Variants in CAMK4 observed in about 807,000 individuals in gnomAD.
CAMK4 encodes the protein calcium/calmodulin dependent protein kinase IV.
In CAMK4, 22 loss-of-function variants were observed where a neutral mutation model predicts 44.9. The observed-to-expected ratio is 0.49, with a 90% confidence interval of 0.35 to 0.70. The LOEUF (loss-of-function observed/expected upper bound fraction) is 0.70, where lower values mean the gene tolerates loss of function less well. Among genes scored for constraint, CAMK4 ranks in the 30% least tolerant of loss-of-function variants. The pLI, the probability that CAMK4 is intolerant of heterozygous loss-of-function variation, is 0.01. For synonymous variants in CAMK4, 218 were observed against 215.4 expected, an observed-to-expected ratio of 1.01 and a Z score of -0.11; for missense variants, 498 against 586.8, an observed-to-expected ratio of 0.85 and a Z score of 1.56.
In CAMK4 at chr5:111,399,888, T is replaced by C. The variant is rs192469828; in HGVS notation, c.459+5106T>C. 2.6e-4 allele frequency among the ~76,000 whole-genome samples: 40 copies of C among 152,310 alleles called. 1 individual carries two copies. The highest frequency in any genetic ancestry group is 9.2e-4 in the Admixed American group (14 of 15,294). On this transcript the variant is annotated intron_variant, in intron 5 of 10. Transcript: ENST00000282356. ...TATGCCTCAATATAGTAATACCTCA[T>C]GTAGCTGACTGGGAAACTCTCTTAT...
At chr5:111,417,029 G>A (rs1305756872) in intron 5 of CAMK4, among the ~76,000 whole-genome samples, 1 of 152,030 alleles carries the variant, frequency 6.6e-6, no homozygotes, top group African/African-American at 2.4e-5. Context: ...ATAAATATTG[G>A]ATTCAATTTA....
At chr5:111,248,000 T>G (rs1335615425) in intron 1 of CAMK4, among the ~76,000 whole-genome samples, 1 of 152,216 alleles carries the variant, frequency 6.6e-6, no homozygotes, top group East Asian at 1.9e-4. Flanking sequence ...TTTCTCATAC[T>G]TATTTGATCA....
chr5:111,315,606 G>A (rs1032434452), intron 1 of CAMK4, among the ~76,000 whole-genome samples: 1 of 151,794 alleles, frequency 6.6e-6, no homozygotes, highest in Non-Finnish European at 1.5e-5. Flanking sequence ...CATTTTTTTT[G>A]TATATAAAGG....
At chr5:111,388,164 C>T (rs2112849057) in intron 4 of CAMK4, among the ~76,000 whole-genome samples, 1 of 152,274 alleles carries the variant, frequency 6.6e-6, no homozygotes, top group Non-Finnish European at 1.5e-5. Context: ...GGCCAAGATG[C>T]AGTGTGCGGA....
At chr5:111,367,589 A>G (rs1750841761) in intron 2 of CAMK4, among the ~76,000 whole-genome samples, 2 of 152,240 alleles carry the variant, frequency 1.3e-5, no homozygotes, top group African/African-American at 4.8e-5. Flanking sequence ...TATTTCATGC[A>G]GGTTAGGCCA....
rs140926164 is a variant in CAMK4, at chr5:111,450,515, C to T, written c.625+1312C>T. On this transcript the variant is annotated intron_variant, in intron 7 of 10. Transcript: ENST00000282356. ...AAGAAAACAGACATGTGGCCAGATG[C>T]GGTGGCTCATGCCTATAATCCCAGC... 1.5e-3 allele frequency among the ~76,000 whole-genome samples: 220 copies of T among 147,134 alleles called. 1 individual carries two copies. The highest frequency in any genetic ancestry group is 4.8e-3 in the African/African-American group (188 of 39,204).
At position 111,484,872 on chromosome 5, in the gene CAMK4, G is replaced by A. The variant is rs1049805922; in HGVS notation, c.*406G>A. ...ACTACTGCTTAGCTAATACTAGGTA[G>A]TGCTAAAAGACATGTTCCCATAACT... is the stretch of plus-strand genomic sequence containing the variant. On this transcript the variant is annotated 3_prime_UTR_variant, in exon 11 of 11. Coordinates refer to ENST00000282356, the MANE Select transcript of CAMK4 (RefSeq NM_001744.6). The surrounding 1 kb of genome is among the most constrained non-coding windows in gnomAD (Gnocchi z 5.3). 1.9e-5 allele frequency: 3 copies of A among 155,576 alleles called. No homozygotes were observed. Among genetic ancestry groups the A allele is most frequent in the East Asian group, 1.9e-4 (1 of 5,314 alleles). The allele number at this position is 155,576 out of a possible 1,614,324, so 9.6% of individuals were successfully genotyped here.
intron 1 of CAMK4, among the ~76,000 whole-genome samples, chr5:111,329,072 C>T (rs1428657613): frequency 2.6e-5 from 4 of 151,908 alleles, no homozygotes; most frequent in African/African-American, 9.7e-5. Flanking sequence ...GCTGGTTCAA[C>T]ATATGCAAAT....
chr5:111,453,884 T>C (rs973919), intron 7 of CAMK4, among the ~76,000 whole-genome samples: 56,503 of 151,986 alleles, frequency 0.37, 11,196 homozygotes, highest in Middle Eastern at 0.51. Flanking sequence ...CTCCTGGCTC[T>C]TGGCCCTGGG....
chr5:111,451,739 C>T (rs540063631), intron 7 of CAMK4, among the ~76,000 whole-genome samples: 43 of 151,714 alleles, frequency 2.8e-4, no homozygotes, highest in African/African-American at 8.7e-4. Flanking sequence ...AAAAAAACAA[C>T]AACAAAATAA....
intron 9 of CAMK4, 52 bp downstream of exon 9, chr5:111,478,559 C>T: frequency 9.9e-7 from 1 of 1,012,862 alleles, no homozygotes; most frequent in Non-Finnish European, 1.4e-6. Flanking sequence ...TTATTTTTAA[C>T]TAATTAATGG....
At chr5:111,281,137 C>T (rs1186662248) in intron 1 of CAMK4, among the ~76,000 whole-genome samples, 2 of 152,276 alleles carry the variant, frequency 1.3e-5, no homozygotes, top group East Asian at 1.9e-4. Flanking sequence ...CCCTAGTTTG[C>T]TAGGTGTCAA....
intron 2 of CAMK4, among the ~76,000 whole-genome samples, chr5:111,364,289 T>C (rs901976018): frequency 2.6e-5 from 4 of 152,072 alleles, no homozygotes; most frequent in African/African-American, 4.8e-5. Flanking sequence ...GGTAAAGACA[T>C]GAAGATTCTT....
At chr5:111,447,452 A>G (rs6883638) in intron 6 of CAMK4, among the ~76,000 whole-genome samples, 3,575 of 152,292 alleles carry the variant, frequency 0.023, 143 homozygotes, top group African/African-American at 0.081. Context: ...ATCATATTCT[A>G]TGAGACTTTT....
intron 9 of CAMK4, among the ~76,000 whole-genome samples, chr5:111,481,058 G>A (rs1190968246): frequency 6.6e-6 from 1 of 152,186 alleles, no homozygotes; most frequent in Non-Finnish European, 1.5e-5. Flanking sequence ...GCAAGGCTTT[G>A]AGTGTGATTA....
chr5:111,483,533 T>C (rs940455163), intron 10 of CAMK4, among the ~76,000 whole-genome samples: 2 of 152,174 alleles, frequency 1.3e-5, no homozygotes, highest in Non-Finnish European at 2.9e-5. Context: ...AGCCATTGCT[T>C]ACGGTCTGAT....
chr5:111,239,208 G>A lies in CAMK4; in HGVS notation c.161+14564G>A, dbSNP rs200816521. On this transcript the variant is annotated intron_variant, in intron 1 of 10. Coordinates refer to ENST00000282356, the MANE Select transcript of CAMK4 (RefSeq NM_001744.6). ...CCAGTATTCCTCTGGGTCTTTGACC[G>A]TGTTTTCACCTTATTCTGAATATAT... Among the ~76,000 whole-genome samples the A allele has an allele frequency of 7.9e-5, 12 of 152,208 alleles. No homozygotes were observed. In the East Asian group the frequency reaches 9.7e-4, roughly 12 times the overall value.
At chr5:111,437,123 G>C (rs1024239904) in intron 5 of CAMK4, among the ~76,000 whole-genome samples, 1 of 152,150 alleles carries the variant, frequency 6.6e-6, no homozygotes, top group African/African-American at 2.4e-5. Context: ...AGGTGACTAA[G>C]TATTATTATC....
At chr5:111,329,558 T>C (rs908893199) in intron 1 of CAMK4, among the ~76,000 whole-genome samples, 1 of 151,868 alleles carries the variant, frequency 6.6e-6, no homozygotes, top group African/African-American at 2.4e-5. Flanking sequence ...CTCATGGTTT[T>C]ATTTTTGCAT....
Sources: gnomAD v4.1 joint callset for allele counts (sites outside exome capture counted in the v4.1 genomes callset) on GRCh38, gnomAD v4.1.1 for gene constraint, Gnocchi (gnomAD v3.1) non-coding constraint, MANE v1.5 for transcripts, NCBI Gene and HGNC (gene_info 2026-07-23, HGNC 2026-07-21) for gene names.